UMAD1: variants seen among roughly 807,000 people sequenced by gnomAD.
UMAD1 encodes the protein UBAP1-MVB12-associated (UMA)-domain containing protein 1.
Under a neutral mutation model 6.1 loss-of-function variants are expected in UMAD1, and 8 were observed. That is an observed-to-expected ratio of 1.30 (90% CI 0.76 to 2.35). UMAD1 has a LOEUF of 2.35. Ranked by LOEUF, UMAD1 falls within the 30% of genes most tolerant of loss-of-function variation. UMAD1 has a pLI of 0.00. For synonymous variants in UMAD1, 56 were observed against 31.4 expected, an observed-to-expected ratio of 1.78 and a Z score of -2.61; for missense variants, 130 against 78.4, an observed-to-expected ratio of 1.66 and a Z score of -2.49.
intron 2 of UMAD1, among the ~76,000 whole-genome samples, chr7:7,688,696 T>C (rs916322306): frequency 2.0e-5 from 3 of 152,226 alleles, no homozygotes; most frequent in Non-Finnish European, 4.4e-5. Flanking sequence ...TTTTGTAATG[T>C]TATTTACGCC....
intron 2 of UMAD1, among the ~76,000 whole-genome samples, chr7:7,753,676 G>T (rs1781721403): frequency 6.6e-6 from 1 of 152,136 alleles, no homozygotes; most frequent in South Asian, 2.1e-4. Flanking sequence ...TTCATCTGTT[G>T]TTGGGGTGCT....
At chr7:7,832,914 A>G (rs1783492403) in intron 3 of UMAD1, among the ~76,000 whole-genome samples, 1 of 152,130 alleles carries the variant, frequency 6.6e-6, no homozygotes, top group Non-Finnish European at 1.5e-5. Flanking sequence ...TGGGTCGGTC[A>G]GCTTTTCATA....
At chr7:7,739,733 T>A (rs1055095483) in intron 2 of UMAD1, among the ~76,000 whole-genome samples, 1 of 152,228 alleles carries the variant, frequency 6.6e-6, no homozygotes, top group Admixed American at 6.5e-5. Context: ...ACTAATCGAG[T>A]TATTTTTTGC....
At chr7:7,866,313 C>T (rs1028006460) in intron 3 of UMAD1, among the ~76,000 whole-genome samples, 5 of 152,090 alleles carry the variant, frequency 3.3e-5, no homozygotes, top group African/African-American at 7.2e-5. Flanking sequence ...TTGAACAGCC[C>T]GTAGGTTTGT....
intron 2 of UMAD1, among the ~76,000 whole-genome samples, chr7:7,748,193 C>G (rs1159000946): frequency 1.3e-5 from 2 of 151,590 alleles, no homozygotes; most frequent in Admixed American, 6.6e-5. Context: ...ATCCGCCCGC[C>G]TCGGCCTCCC....
At chr7:7,864,069 T>C (rs967247132) in intron 3 of UMAD1, among the ~76,000 whole-genome samples, 1 of 152,262 alleles carries the variant, frequency 6.6e-6, no homozygotes, top group Non-Finnish European at 1.5e-5. Context: ...GAGCATCTTT[T>C]GTTATCCATA....
chr7:7,682,534 A>G (rs1465046422), intron 2 of UMAD1, among the ~76,000 whole-genome samples: 2 of 152,290 alleles, frequency 1.3e-5, no homozygotes, highest in African/African-American at 2.4e-5. Flanking sequence ...TTTACATTCT[A>G]AGGAATGAGG....
chr7:7,642,946 A>C (rs931026112), intron 1 of UMAD1, among the ~76,000 whole-genome samples: 1 of 152,180 alleles, frequency 6.6e-6, no homozygotes, highest in Non-Finnish European at 1.5e-5. Context: ...ACAGAAACGT[A>C]TGTATCTTCT....
chr7:7,714,536 A>G (rs1285006092), intron 2 of UMAD1, among the ~76,000 whole-genome samples: 2 of 152,246 alleles, frequency 1.3e-5, no homozygotes, highest in Non-Finnish European at 2.9e-5. Context: ...GGAGCTGTCA[A>G]TTTAGGTGTG....
chr7:7,769,252 C>T (rs1487146688), intron 2 of UMAD1, among the ~76,000 whole-genome samples: 1 of 152,162 alleles, frequency 6.6e-6, no homozygotes, highest in Non-Finnish European at 1.5e-5. Context: ...AAATCTGCTT[C>T]TGTCAATTAG....
intron 3 of UMAD1, among the ~76,000 whole-genome samples, chr7:7,860,959 G>C (rs78964579): frequency 0.015 from 2,267 of 152,142 alleles, 21 homozygotes; most frequent in Non-Finnish European, 0.023. Flanking sequence ...CAACATATAT[G>C]GACCTTGAAA....
intron 2 of UMAD1, among the ~76,000 whole-genome samples, chr7:7,697,308 A>T (rs1780345119): frequency 6.6e-6 from 1 of 152,138 alleles, no homozygotes; most frequent in South Asian, 2.1e-4. Flanking sequence ...CTTAGTGTTT[A>T]TTGCTTTAAT....
At chr7:7,774,025 G>A (rs1391123117) in intron 2 of UMAD1, among the ~76,000 whole-genome samples, 1 of 152,154 alleles carries the variant, frequency 6.6e-6, no homozygotes, top group Non-Finnish European at 1.5e-5. Flanking sequence ...AAAACACTGA[G>A]AATCAGGCCA....
Position 7,830,828 on chromosome 7 carries a change from T to C in UMAD1, c.156+29085T>C, listed in dbSNP as rs902541561. Among the ~76,000 whole-genome samples, 2 of 152,206 alleles carry C rather than the reference T, an allele frequency of 1.3e-5. No homozygotes were observed. The highest frequency in any genetic ancestry group is 4.1e-4 in the South Asian group (2 of 4,836). On this transcript the variant is annotated intron_variant, in intron 3 of 3. Transcript: ENST00000682710. This position sits in a 1 kb window ranked among gnomAD's most constrained non-coding sequence, Gnocchi z 5.3. ...ACTGGATAAGTGAAGTGAATGTAAA[T>C]TGAAGCCTGTTTATATCTTCCCATC...
intron 3 of UMAD1, among the ~76,000 whole-genome samples, chr7:7,820,041 A>G (rs1247076186): frequency 6.6e-6 from 1 of 152,214 alleles, no homozygotes; most frequent in Non-Finnish European, 1.5e-5. Context: ...GGCTACAACT[A>G]TGTCTTTTAG....
At chr7:7,803,732 C>G (rs1217024110) in intron 3 of UMAD1, among the ~76,000 whole-genome samples, 1 of 151,154 alleles carries the variant, frequency 6.6e-6, no homozygotes, top group Admixed American at 6.6e-5. Flanking sequence ...CTGGCTGTGT[C>G]CTCACATGAT....
At chr7:7,644,055 C>G (rs1452028606) in intron 1 of UMAD1, among the ~76,000 whole-genome samples, 2 of 152,178 alleles carry the variant, frequency 1.3e-5, no homozygotes, top group Non-Finnish European at 2.9e-5. Context: ...AGTTTACTCT[C>G]TTACCTGGAG....
chr7:7,768,095 T>A (rs2115239361), intron 2 of UMAD1, among the ~76,000 whole-genome samples: 1 of 152,296 alleles, frequency 6.6e-6, no homozygotes, highest in Non-Finnish European at 1.5e-5. Flanking sequence ...GGAAATTTAT[T>A]TGTTTGGGTT....
At chr7:7,684,713 A>G (rs1043611456) in intron 2 of UMAD1, among the ~76,000 whole-genome samples, 1 of 152,358 alleles carries the variant, frequency 6.6e-6, no homozygotes, top group Non-Finnish European at 1.5e-5. Context: ...GGCTTTAGCC[A>G]TAGTACAACT....
Sources: gnomAD v4.1 joint callset for allele counts (sites outside exome capture counted in the v4.1 genomes callset) on GRCh38, gnomAD v4.1.1 for gene constraint, Gnocchi (gnomAD v3.1) non-coding constraint, MANE v1.5 for transcripts, NCBI Gene and HGNC (gene_info 2026-07-23, HGNC 2026-07-21) for gene names.